DNAH5: variants seen among roughly 807,000 people sequenced by gnomAD.
The protein encoded by DNAH5 is axonemal beta dynein heavy chain 5.
In DNAH5, 372 loss-of-function variants were observed where a neutral mutation model predicts 518.2. That is an observed-to-expected ratio of 0.72 (90% CI 0.66 to 0.78). The LOEUF is 0.78. Ranked by LOEUF, DNAH5 falls within the 30% of genes least tolerant of loss-of-function variation. The pLI, the probability that DNAH5 is intolerant of heterozygous loss-of-function variation, is 0.00. For synonymous variants in DNAH5, 2,039 were observed against 2,025.9 expected, an observed-to-expected ratio of 1.01 and a Z score of -0.17; for missense variants, 5,523 against 5,687.0, an observed-to-expected ratio of 0.97 and a Z score of 0.93.
chr5:13,898,636 G>A (rs1432976722), intron 15 of DNAH5: 9 of 398,514 alleles, frequency 2.3e-5, no homozygotes, highest in African/African-American at 8.2e-5. Context: ...TGTCATCTAC[G>A]AAATAAAATA....
At chr5:13,733,616 C>T (rs1193994601) in intron 68 of DNAH5, among the ~76,000 whole-genome samples, 1 of 152,078 alleles carries the variant, frequency 6.6e-6, no homozygotes, top group African/African-American at 2.4e-5. Flanking sequence ...TGGTTAGACA[C>T]AATTAAAGAG....
intron 31 of DNAH5, among the ~76,000 whole-genome samples, chr5:13,847,361 G>T (rs1416492287): frequency 7.0e-6 from 1 of 143,852 alleles, no homozygotes; most frequent in African/African-American, 2.6e-5. Context: ...CTCTGCAGGG[G>T]TTATAAAATA....
At chr5:13,892,898 A>G (rs1773462804) in intron 16 of DNAH5, among the ~76,000 whole-genome samples, 1 of 152,218 alleles carries the variant, frequency 6.6e-6, no homozygotes, top group Non-Finnish European at 1.5e-5. Flanking sequence ...TCTATGTAAC[A>G]TTAAAAGCCA....
chr5:13,912,661 T>TAC (rs887320722), intron 11 of DNAH5, among the ~76,000 whole-genome samples: 8 of 151,472 alleles, frequency 5.3e-5, no homozygotes, highest in African/African-American at 9.7e-5. Flanking sequence ...TATACATATA[T>TAC]ACACACACAT....
intron 2 of DNAH5, among the ~76,000 whole-genome samples, chr5:13,929,251 T>G (rs551887360): frequency 1.6e-4 from 24 of 152,336 alleles, no homozygotes; most frequent in Admixed American, 1.4e-3. Context: ...GAACACTGCA[T>G]GACTCCACTT....
In DNAH5 at chr5:13,814,718, A is replaced by C; in HGVS notation, c.7117T>G (p.Cys2373Gly). 1 of 1,614,134 alleles carries C rather than the reference A, an allele frequency of 6.2e-7. No homozygotes were observed. Residue 2373 changes from cysteine (C) to glycine (G), a missense_variant, in exon 43 of 79, where the codon TGC becomes GGC. Around this residue, in one of 3 missense-constraint regions of DNAH5, gnomAD observed 5,121 missense variants for 5,223.3 expected, o/e 0.98. Transcript: ENST00000265104. ...NGDRIPMAPN[C>G]KIIFEPHNID... ...TTATGAGGCTCGAAAATGATCTTGC[A>C]GTTTGGAGCCATGGGAATCCGATCA...
At chr5:13,786,924 A>AATTAGAAACAT (rs1489729535) in intron 51 of DNAH5, among the ~76,000 whole-genome samples, 3 of 152,158 alleles carry the variant, frequency 2.0e-5, no homozygotes. Flanking sequence ...TTTTTTAAAA[A>AATTAGAAACAT]ATTAGAAACA....
intron 68 of DNAH5, among the ~76,000 whole-genome samples, chr5:13,734,429 G>A (rs772533997): frequency 5.3e-5 from 8 of 152,058 alleles, no homozygotes; most frequent in Non-Finnish European, 1.2e-4. Context: ...CCAGCCTTCC[G>A]CTGGGCTGTT....
At chr5:13,952,233 C>T (rs1380643658) in intron 1 of DNAH5, among the ~76,000 whole-genome samples, 2 of 152,176 alleles carry the variant, frequency 1.3e-5, no homozygotes, top group Non-Finnish European at 2.9e-5. Context: ...ATGGTTAGCA[C>T]TCACGCCCAC....
chr5:13,814,471 C>T, intron 43 of DNAH5, 134 bp downstream of exon 43: 1 of 858,744 alleles, frequency 1.2e-6, no homozygotes, highest in Non-Finnish European at 1.9e-6. Flanking sequence ...CCAGTGCATT[C>T]AAGTATCTTC....
Position 14,001,565 on chromosome 5 carries a change from G to A in DNAH5, c.12+10083C>T, listed in dbSNP as rs563894723. ...TTTTTAGTAGAGACAGGGTTTCACT[G>A]TGTTAGCCAGAATGGTCTCAATCTC... On this transcript the variant is annotated intron_variant, in intron 1 of 78. Coordinates refer to the DNAH5 transcript ENST00000681290. Among the ~76,000 whole-genome samples, 12 of 151,818 alleles carry A rather than the reference G, an allele frequency of 7.9e-5. No individual in the cohort carries two copies. In the East Asian group the frequency reaches 1.6e-3, roughly 20 times the overall value.
At chr5:13,936,768 G>C (rs1778962463) in intron 1 of DNAH5, among the ~76,000 whole-genome samples, 1 of 152,132 alleles carries the variant, frequency 6.6e-6, no homozygotes, top group Non-Finnish European at 1.5e-5. Flanking sequence ...AAATGTTTAA[G>C]CTTCCTACAC....
At chr5:13,851,929 T>C (rs795518) in intron 30 of DNAH5, among the ~76,000 whole-genome samples, 66,077 of 150,982 alleles carry the variant, frequency 0.44, 14,671 homozygotes, top group South Asian at 0.5. Context: ...GGAGGGCAAG[T>C]AGAAGCGGGG....
At chr5:13,749,537 CTGT>C (rs1554033348) in intron 65 of DNAH5, among the ~76,000 whole-genome samples, 5 of 152,280 alleles carry the variant, frequency 3.3e-5, no homozygotes, top group Middle Eastern at 3.4e-3. Flanking sequence ...GTTGCTGTTG[CTGT>C]TGTTGTGTTT....
At chr5:13,788,643 G>T in intron 51 of DNAH5, 73 bp downstream of exon 51, 1 of 1,297,264 alleles carries the variant, frequency 7.7e-7, no homozygotes, top group Non-Finnish European at 1.1e-6. Flanking sequence ...TCCATAAACT[G>T]AATCTTCTGT....
intron 21 of DNAH5, among the ~76,000 whole-genome samples, chr5:13,877,198 C>T (rs1268870446): frequency 6.6e-6 from 1 of 152,178 alleles, no homozygotes; most frequent in East Asian, 1.9e-4. Flanking sequence ...CCTGGAAGGG[C>T]CAGCCTGGGC....
At chr5:13,801,392 A>G (rs1183712552) in intron 47 of DNAH5, among the ~76,000 whole-genome samples, 1 of 152,202 alleles carries the variant, frequency 6.6e-6, no homozygotes, top group Admixed American at 6.5e-5. Flanking sequence ...CTGTGGAATC[A>G]TGAGCCAATT....
chr5:13,963,717 G>A (rs1781343678), intron 1 of DNAH5, among the ~76,000 whole-genome samples: 1 of 151,808 alleles, frequency 6.6e-6, no homozygotes, highest in Admixed American at 6.6e-5. Context: ...TAATAAAATT[G>A]CTCTCCCCAC....
At chr5:13,832,230 T>G (rs1193861583) in intron 35 of DNAH5, among the ~76,000 whole-genome samples, 2 of 152,236 alleles carry the variant, frequency 1.3e-5, no homozygotes, top group African/African-American at 4.8e-5. Context: ...TCGGCTGCTG[T>G]GTTATGCAGA....
Sources: allele counts gnomAD v4.1 joint callset (sites outside exome capture counted in the v4.1 genomes callset), GRCh38; gene constraint gnomAD v4.1.1; regional missense constraint gnomAD v4.1.1; transcripts MANE v1.5; gene names NCBI Gene and HGNC (gene_info 2026-07-23, HGNC 2026-07-21).